SRGAP3: variants seen among roughly 807,000 people sequenced by gnomAD.
SRGAP3 encodes the protein SLIT-ROBO Rho GTPase-activating protein 3.
SRGAP3 carries 39 observed loss-of-function variants against 121.1 expected under a neutral mutation model. The observed-to-expected ratio is 0.32, with a 90% confidence interval of 0.25 to 0.42. SRGAP3 has a LOEUF of 0.42. SRGAP3 is among the 10% of genes least tolerant of loss of function. SRGAP3 has a pLI of 1.00. For synonymous variants in SRGAP3, 601 were observed against 570.0 expected (o/e 1.05, Z -0.77); for missense variants, 1,213 against 1,470.6 (o/e 0.82, Z 2.86).
intron 2 of SRGAP3, among the ~76,000 whole-genome samples, chr3:9,118,802 G>C (rs1029933278): frequency 1.3e-5 from 2 of 151,880 alleles, no homozygotes; most frequent in African/African-American, 4.8e-5. Context: ...TCCCCAAACA[G>C]GGAGACCATG....
At chr3:8,988,261 A>G (rs1211247547) in intron 21 of SRGAP3, among the ~76,000 whole-genome samples, 1 of 152,160 alleles carries the variant, frequency 6.6e-6, no homozygotes, top group East Asian at 1.9e-4. Flanking sequence ...AGCCTCTTTA[A>G]GTGGGTTCAC....
At chr3:9,095,565 A>C (rs1042438176) in intron 3 of SRGAP3, among the ~76,000 whole-genome samples, 1 of 152,200 alleles carries the variant, frequency 6.6e-6, no homozygotes, top group South Asian at 2.1e-4. Flanking sequence ...CAGTTGAATC[A>C]GCCCCATTTA....
At chr3:9,184,347 T>C (rs1224522515) in intron 1 of SRGAP3, among the ~76,000 whole-genome samples, 1 of 152,210 alleles carries the variant, frequency 6.6e-6, no homozygotes, top group Non-Finnish European at 1.5e-5. Flanking sequence ...AGACTGAATT[T>C]GAATCTGAAC....
At chr3:9,356,517 C>A (rs535636840) in intron 1 of SRGAP3, among the ~76,000 whole-genome samples, 9 of 151,770 alleles carry the variant, frequency 5.9e-5, no homozygotes, top group Non-Finnish European at 1.3e-4. Flanking sequence ...GGACTACAGG[C>A]GCCCGCCACC....
intron 3 of SRGAP3, among the ~76,000 whole-genome samples, chr3:9,277,143 A>G (rs1954599509): frequency 6.6e-6 from 1 of 152,250 alleles, no homozygotes; most frequent in Non-Finnish European, 1.5e-5. Flanking sequence ...CTCAACTAAT[A>G]TTAATTGTGG....
intron 1 of SRGAP3, among the ~76,000 whole-genome samples, chr3:9,141,274 G>C (rs575080867): frequency 1.3e-5 from 2 of 152,264 alleles, no homozygotes; most frequent in East Asian, 3.9e-4. Context: ...CTGGCCATGT[G>C]TGCATTCACC....
chr3:9,305,086 C>G lies in SRGAP3; in HGVS notation n.442+20924G>C, dbSNP rs541029000. On this transcript the variant is annotated intron_variant and non_coding_transcript_variant, in intron 3 of 3. Transcript: ENST00000490889. ...TGACGCTAAGACAAAATTAGACATA[C>G]AAAAGACTAATTGGAAGAAACATCT... Among the ~76,000 whole-genome samples the G allele has an allele frequency of 5.3e-5, 8 of 152,242 alleles. No individual in the cohort carries two copies. In the Middle Eastern group the frequency reaches 0.02, roughly 388 times the overall value.
intron 14 of SRGAP3, among the ~76,000 whole-genome samples, chr3:9,018,475 G>A (rs961810166): frequency 2.0e-5 from 3 of 152,192 alleles, no homozygotes; most frequent in Non-Finnish European, 4.4e-5. Flanking sequence ...CCCACCCACA[G>A]TATATAAGAG....
intron 2 of SRGAP3, among the ~76,000 whole-genome samples, chr3:9,107,237 G>A (rs1229492593): frequency 6.6e-6 from 1 of 152,220 alleles, no homozygotes; most frequent in Non-Finnish European, 1.5e-5. Context: ...GTCTTGGGTG[G>A]GTTCTGGGCA....
intron 1 of SRGAP3, among the ~76,000 whole-genome samples, chr3:9,232,022 A>T (rs1365917797): frequency 6.6e-6 from 1 of 152,224 alleles, no homozygotes; most frequent in Admixed American, 6.5e-5. Context: ...TAAAAGGTTA[A>T]GCTGAACTTT....
chr3:9,235,611 C>G (rs1953379938), intron 1 of SRGAP3: 1 of 149,678 alleles, frequency 6.7e-6, no homozygotes, highest in Admixed American at 6.7e-5. Flanking sequence ...TCACGCCATT[C>G]TCCTGCCTCA....
chr3:9,117,194 C>A (rs1948837022), intron 2 of SRGAP3, among the ~76,000 whole-genome samples: 1 of 152,224 alleles, frequency 6.6e-6, no homozygotes, highest in Admixed American at 6.5e-5. Context: ...TCATTCTAAG[C>A]AAACATTTTA....
intron 3 of SRGAP3, among the ~76,000 whole-genome samples, chr3:9,297,502 GAATGTGACTA>G (rs1167613778): frequency 1.3e-5 from 2 of 152,142 alleles, no homozygotes; most frequent in East Asian, 3.9e-4. Context: ...TAGTACCTCA[GAATGTGACTA>G]AATTTGGAGA....
intron 1 of SRGAP3, among the ~76,000 whole-genome samples, chr3:9,339,998 G>A (rs749692122): frequency 8.5e-5 from 13 of 152,128 alleles, no homozygotes; most frequent in Non-Finnish European, 1.6e-4. Flanking sequence ...TTGCATTATA[G>A]AAATGAATAT....
chr3:9,041,674 T>C (rs1945018911), intron 10 of SRGAP3, among the ~76,000 whole-genome samples: 1 of 152,232 alleles, frequency 6.6e-6, no homozygotes, highest in African/African-American at 2.4e-5. Flanking sequence ...TCCCCAGTCA[T>C]GGCTCCAAAA....
intron 1 of SRGAP3, among the ~76,000 whole-genome samples, chr3:9,199,624 A>C (rs1952013353): frequency 6.6e-6 from 1 of 152,208 alleles, no homozygotes; most frequent in African/African-American, 2.4e-5. Flanking sequence ...TTTTATTATA[A>C]ATAGTGCTAC....
At chr3:9,161,558 G>A (rs146936539) in intron 1 of SRGAP3, among the ~76,000 whole-genome samples, 3 of 152,326 alleles carry the variant, frequency 2.0e-5, no homozygotes, top group Non-Finnish European at 4.4e-5. Flanking sequence ...ACATTGGACT[G>A]GCTCCCTTGG....
Position 9,098,912 on chromosome 3 carries a change from G to A in SRGAP3, c.423+5768C>T, listed in dbSNP as rs545005159. Among the ~76,000 whole-genome samples the A allele has an allele frequency of 7.9e-5, 12 of 152,236 alleles. No individual in the cohort carries two copies. In the South Asian group the frequency reaches 2.5e-3, roughly 32 times the overall value. ...GACCGTTCGCGACTTCATCTCCCTG[G>A]GAGACGGTGGAGATTGGCTGAAGGC... On this transcript the variant is annotated intron_variant, in intron 3 of 21. Coordinates refer to ENST00000383836, the MANE Select transcript of SRGAP3 (RefSeq NM_014850.4).
intron 3 of SRGAP3, among the ~76,000 whole-genome samples, chr3:9,093,570 C>T (rs2124866060): frequency 6.8e-6 from 1 of 146,176 alleles, no homozygotes; most frequent in East Asian, 1.9e-4. Flanking sequence ...TCCATTCATC[C>T]ATCCATCCAT....
Sources: gnomAD v4.1 joint callset for allele counts (sites outside exome capture counted in the v4.1 genomes callset) on GRCh38, gnomAD v4.1.1 for gene constraint, MANE v1.5 for transcripts, NCBI Gene and HGNC (gene_info 2026-07-23, HGNC 2026-07-21) for gene names.